The following WDFY4 variants were observed in gnomAD, a reference collection of about 807,000 sequenced individuals.
WDFY4 encodes WDFY family member 4.
A neutral mutation model predicts 351.9 loss-of-function variants in WDFY4; 169 were observed. The observed-to-expected ratio is 0.48, with a 90% CI of 0.42 to 0.55. The LOEUF (loss-of-function observed/expected upper bound fraction) is 0.55, where lower values mean the gene tolerates loss of function less well. Ranked by LOEUF, WDFY4 falls within the 20% of genes least tolerant of loss-of-function variation. The pLI is 0.00. For synonymous variants in WDFY4, 1,622 were observed against 1,574.6 expected, an observed-to-expected ratio of 1.03 and a Z score of -0.71; for missense variants, 3,803 against 3,935.6, an observed-to-expected ratio of 0.97 and a Z score of 0.90.
chr10:48,904,750 C>T (rs919681168), intron 47 of WDFY4, among the ~76,000 whole-genome samples: 1 of 152,210 alleles, frequency 6.6e-6, no homozygotes, highest in South Asian at 2.1e-4. Flanking sequence ...AGGTTAATTA[C>T]ATGCCCATCC....
At chr10:48,798,552 GA>G (rs757258867) in intron 24 of WDFY4, among the ~76,000 whole-genome samples, 3 of 152,126 alleles carry the variant, frequency 2.0e-5, no homozygotes, top group Admixed American at 2.0e-4. Context: ...CAATCTCATC[GA>G]AAATGTAAGT....
intron 19 of WDFY4, among the ~76,000 whole-genome samples, chr10:48,784,269 A>G (rs546240621): frequency 2.0e-5 from 3 of 152,336 alleles, no homozygotes; most frequent in African/African-American, 7.2e-5. Context: ...CTGCCAAACT[A>G]TTTCGAAAAT....
At chr10:48,957,431 C>T in intron 52 of WDFY4, 149 bp downstream of exon 52, 1 of 1,068,712 alleles carries the variant, frequency 9.4e-7, no homozygotes, top group Non-Finnish European at 1.3e-6. Flanking sequence ...GCAGCAGTGC[C>T]CAGAAGGAAA....
rs2069582878 is a variant in WDFY4, at chr10:48,867,277, T to C, written c.6676T>C (p.Cys2226Arg). ...CTCCTTTCTCCAGGATTTTGTGTCATGTATAGAGAACTACAGAAGAAGAGG... is the reference window on the plus strand; with the variant it reads ...CTCCTTTCTCCAGGATTTTGTGTCACGTATAGAGAACTACAGAAGAAGAGG... ...PECKTEDFVS[C>R]IENYRRRGQE... The change falls in exon 40 of 62, where the codon TGT becomes CGT. Residue 2226 changes from cysteine (C) to arginine (R), a missense_variant. Coordinates refer to ENST00000325239, the MANE Select transcript of WDFY4 (RefSeq NM_001394531.1). 2.8e-6 allele frequency: 4 copies of C among 1,446,584 alleles called. No homozygotes were observed. The highest frequency in any genetic ancestry group is 2.8e-5 in the East Asian group (1 of 35,870). The allele number at this position is 1,446,584 out of a possible 1,614,324, so 89.6% of individuals were successfully genotyped here.
In WDFY4 at chr10:48,982,518, C is replaced by A; in HGVS notation, c.9498C>A (p.Thr3166=). 1.3e-6 allele frequency: 2 copies of A among 1,519,920 alleles called. No individual in the cohort carries two copies. The highest frequency in any genetic ancestry group is 1.2e-5 in the South Asian group (1 of 81,204). The allele number at this position is 1,519,920 out of a possible 1,614,324, so 94.2% of individuals were successfully genotyped here. A position where few individuals can be genotyped will look rare whatever the true frequency, so the allele number is the denominator to read the frequency against. The part of the protein sequence containing the change: ...VTALAVSRNH[T]KLLVGDERGR... ...TCTTTCTCTTCCCAAGAAACCACACCAAACTCCTGGTTGGTGATGAGAGGG... is the reference window on the plus strand; with the variant it reads ...TCTTTCTCTTCCCAAGAAACCACACAAAACTCCTGGTTGGTGATGAGAGGG... Residue 3166 remains threonine (T), a synonymous_variant, in exon 62 of 62, where the codon ACC becomes ACA. Transcript: ENST00000325239.
intron 40 of WDFY4, among the ~76,000 whole-genome samples, chr10:48,871,177 C>A (rs12260981): frequency 6.6e-6 from 1 of 152,088 alleles, no homozygotes; most frequent in Non-Finnish European, 1.5e-5. Context: ...CCTCGTGATC[C>A]GCCTGCCTCA....
chr10:48,967,547 C>G (rs1842137725), intron 55 of WDFY4: 1 of 152,168 alleles, frequency 6.6e-6, no homozygotes, highest in Non-Finnish European at 1.5e-5. Context: ...TCTCTTCTGA[C>G]CATAATTCAG....
At chr10:48,746,102 C>CT (rs1310009423) in intron 12 of WDFY4, 1 of 156,366 alleles carries the variant, frequency 6.4e-6, no homozygotes, top group African/African-American at 2.4e-5. Flanking sequence ...TAGCCTCGGT[C>CT]TCCAGCACTG....
chr10:48,698,422 G>C (rs1243518652), intron 1 of WDFY4, among the ~76,000 whole-genome samples: 1 of 152,180 alleles, frequency 6.6e-6, no homozygotes, highest in Non-Finnish European at 1.5e-5. Flanking sequence ...CCTTGCCTGT[G>C]CAGATCAGAC....
intron 61 of WDFY4, 40 bp from the exon 62 acceptor site, chr10:48,982,469 T>G: frequency 6.8e-7 from 1 of 1,464,274 alleles, no homozygotes; most frequent in Non-Finnish European, 9.1e-7. Flanking sequence ...CAAGTGGTAC[T>G]GTCCCTCTAA....
intron 18 of WDFY4, 33 bp from the exon 19 acceptor site, chr10:48,779,908 C>T: frequency 1.3e-6 from 2 of 1,550,030 alleles, no homozygotes; most frequent in Non-Finnish European, 1.7e-6. Context: ...TGTAGCACCA[C>T]ACGTGAGACT....
At chr10:48,930,718 T>C (rs1839942330) in intron 47 of WDFY4, among the ~76,000 whole-genome samples, 1 of 151,948 alleles carries the variant, frequency 6.6e-6, no homozygotes, top group Admixed American at 6.5e-5. Flanking sequence ...CCCAAATATC[T>C]AACAATAGAT....
At chr10:48,736,102 C>T (rs2064654880) in intron 11 of WDFY4, 32 bp downstream of exon 11, 3 of 1,551,108 alleles carry the variant, frequency 1.9e-6, no homozygotes, top group African/African-American at 2.7e-5. Context: ...AGATTGGCTT[C>T]CCTGTGGATA....
chr10:48,749,266 G>A (rs964280017), intron 12 of WDFY4, among the ~76,000 whole-genome samples: 2 of 152,004 alleles, frequency 1.3e-5, no homozygotes, highest in Middle Eastern at 3.4e-3. Context: ...ATATCTCTAT[G>A]AAACATGCAC....
At chr10:48,729,349 C>T (rs2064376952) in intron 7 of WDFY4, 83 bp from the exon 8 acceptor site, 2 of 1,507,264 alleles carry the variant, frequency 1.3e-6, no homozygotes, top group Non-Finnish European at 1.8e-6. Flanking sequence ...TCCCCATTGG[C>T]TCTGTCTCCT....
chr10:48,928,352 A>ATGTG (rs1839749361), intron 47 of WDFY4, among the ~76,000 whole-genome samples: 1 of 59,634 alleles, frequency 1.7e-5, no homozygotes, highest in African/African-American at 4.5e-5. Flanking sequence ...TTTGGTTTTG[A>ATGTG]CGTGTGTGTG....
chr10:48,941,155 G>A (rs573155384), intron 47 of WDFY4, among the ~76,000 whole-genome samples: 15 of 152,296 alleles, frequency 9.8e-5, no homozygotes, highest in Non-Finnish European at 1.6e-4. Flanking sequence ...ACCCTGCCCC[G>A]TGGTTGCAGA....
intron 20 of WDFY4, among the ~76,000 whole-genome samples, chr10:48,788,118 C>T (rs944503492): frequency 6.6e-6 from 1 of 151,686 alleles, no homozygotes; most frequent in African/African-American, 2.4e-5. Flanking sequence ...ACCTCTGCCT[C>T]CCCGGTTCAA....
At chr10:48,833,641 GA>G (rs1216595139) in intron 39 of WDFY4, among the ~76,000 whole-genome samples, 1 of 152,190 alleles carries the variant, frequency 6.6e-6, no homozygotes, top group Non-Finnish European at 1.5e-5. Flanking sequence ...GGCTCTTTTG[GA>G]AATGCATGAT....
Sources: allele counts gnomAD v4.1 joint callset (sites outside exome capture counted in the v4.1 genomes callset), GRCh38; gene constraint gnomAD v4.1.1; transcripts MANE v1.5; gene names NCBI Gene and HGNC (gene_info 2026-07-23, HGNC 2026-07-21).